The following BCKDHB variants were observed in gnomAD, a reference collection of about 807,000 sequenced individuals.
BCKDHB encodes 2-oxoisovalerate dehydrogenase subunit beta, mitochondrial.
BCKDHB carries 41 observed loss-of-function variants against 48.5 expected under a neutral mutation model. The observed-to-expected ratio is 0.85, with a 90% CI of 0.66 to 1.10. BCKDHB has a LOEUF of 1.10. Ranked by LOEUF, BCKDHB falls within the 50% of genes least tolerant of loss-of-function variation. The probability of loss-of-function intolerance (pLI) is 0.00; values close to 1 mark genes in which losing one functional copy is unlikely to be tolerated. For missense variants in BCKDHB, 496 were observed against 494.2 expected, an observed-to-expected ratio of 1.00 and a Z score of -0.03; for synonymous variants, 201 against 174.8, an observed-to-expected ratio of 1.15 and a Z score of -1.18.
At chr6:80,255,666 C>G (rs141285101) in intron 8 of BCKDHB, among the ~76,000 whole-genome samples, 7 of 152,274 alleles carry the variant, frequency 4.6e-5, no homozygotes, top group Non-Finnish European at 1.0e-4. Flanking sequence ...TGTCTTACAA[C>G]ATACAGGGAT....
At chr6:80,214,124 G>A (rs945283190) in intron 8 of BCKDHB, among the ~76,000 whole-genome samples, 4 of 152,150 alleles carry the variant, frequency 2.6e-5, no homozygotes, top group African/African-American at 9.7e-5. Context: ...GAATGGAGAC[G>A]ATCAGGGAGC....
At chr6:80,261,855 G>A (rs1202147514) in intron 8 of BCKDHB, among the ~76,000 whole-genome samples, 1 of 151,922 alleles carries the variant, frequency 6.6e-6, no homozygotes, top group East Asian at 1.9e-4. Flanking sequence ...TTTTTTTTCA[G>A]TAGGCTCTAT....
chr6:80,123,994 A>G (rs1195505796), intron 1 of BCKDHB, among the ~76,000 whole-genome samples: 3 of 152,040 alleles, frequency 2.0e-5, no homozygotes, highest in Admixed American at 1.3e-4. Context: ...TAGGGTGTCA[A>G]TTTTAGATCT....
At chr6:80,396,687 A>G in the BCKDHB span, among the ~76,000 whole-genome samples, 12 of 152,206 alleles carry the variant, frequency 7.9e-5, no homozygotes, top group African/African-American at 2.9e-4. Flanking sequence ...TGTGATAGTC[A>G]GTGAATTCTC....
downstream of BCKDHB, among the ~76,000 whole-genome samples, chr6:80,346,468 C>T (rs901627605): frequency 1.5e-4 from 23 of 152,074 alleles, no homozygotes; most frequent in Non-Finnish European, 2.9e-4. Flanking sequence ...TAGAATGTTT[C>T]CCCTCATTCT....
intron 3 of BCKDHB, among the ~76,000 whole-genome samples, chr6:80,130,631 T>C (rs1434679297): frequency 1.3e-5 from 2 of 152,174 alleles, no homozygotes; most frequent in African/African-American, 4.8e-5. Context: ...AATAAACAGT[T>C]AAAAATCTTT....
At position 80,290,526 on chromosome 6, in the gene BCKDHB, C is replaced by T. The variant is rs138412785; in HGVS notation, c.1038+17305C>T. On this transcript the variant is annotated intron_variant, in intron 9 of 9. Transcript: ENST00000320393. ...AGCCTCATGGTGGGGTATTAACTTA[C>T]CTAATTAATGGCCATTACTCCTAAG... 2.9e-3 allele frequency among the ~76,000 whole-genome samples: 444 copies of T among 152,276 alleles called. 1 individual carries two copies. Among genetic ancestry groups the T allele is most frequent in the African/African-American group, 0.01 (429 of 41,556 alleles).
At chr6:80,360,594 T>G in the BCKDHB span, among the ~76,000 whole-genome samples, 1 of 152,176 alleles carries the variant, frequency 6.6e-6, no homozygotes, top group Admixed American at 6.6e-5. Context: ...CATTTTTTTA[T>G]TAGAAGAAAT....
chr6:80,283,880 T>C (rs1383510646), intron 9 of BCKDHB, among the ~76,000 whole-genome samples: 2 of 152,118 alleles, frequency 1.3e-5, no homozygotes, highest in African/African-American at 4.8e-5. Flanking sequence ...AGATAATGTA[T>C]CCATAACCTG....
At chr6:80,367,330 A>G in the BCKDHB span, among the ~76,000 whole-genome samples, 1 of 152,170 alleles carries the variant, frequency 6.6e-6, no homozygotes, top group Non-Finnish European at 1.5e-5. Flanking sequence ...TACAATGCCA[A>G]TTTTAAATGC....
At chr6:80,426,325 G>T in the BCKDHB span, among the ~76,000 whole-genome samples, 56 of 151,994 alleles carry the variant, frequency 3.7e-4, no homozygotes, top group African/African-American at 1.3e-3. Flanking sequence ...TTGTTTTTCT[G>T]TTTTCCTTTG....
chr6:80,234,574 C>T (rs1389449105), intron 8 of BCKDHB, among the ~76,000 whole-genome samples: 10 of 152,122 alleles, frequency 6.6e-5, no homozygotes, highest in Non-Finnish European at 1.5e-4. Context: ...GAGGAATGCT[C>T]ATACATTGTT....
intron 3 of BCKDHB, among the ~76,000 whole-genome samples, chr6:80,145,536 A>T (rs761133612): frequency 6.6e-6 from 1 of 152,188 alleles, no homozygotes; most frequent in Non-Finnish European, 1.5e-5. Context: ...AGCTGCTCTT[A>T]TAGATATTTT....
chr6:80,384,168 G>T, the BCKDHB span, among the ~76,000 whole-genome samples: 16 of 152,138 alleles, frequency 1.1e-4, no homozygotes, highest in African/African-American at 3.9e-4. Flanking sequence ...TCAGTGGGCT[G>T]GGAAAGGCAG....
At chr6:80,304,414 G>A (rs1400481159) in intron 9 of BCKDHB, among the ~76,000 whole-genome samples, 1 of 152,086 alleles carries the variant, frequency 6.6e-6, no homozygotes, top group Non-Finnish European at 1.5e-5. Context: ...ACTGTTAAAG[G>A]TGACTCAAGA....
chr6:80,269,827 A>G (rs1306004673), intron 8 of BCKDHB, among the ~76,000 whole-genome samples: 4 of 152,132 alleles, frequency 2.6e-5, no homozygotes, highest in African/African-American at 4.8e-5. Context: ...AAAAAGGTAA[A>G]TGGCCATCTC....
At chr6:80,107,548 CATATATATGCAT>C (rs995778573) in intron 1 of BCKDHB, among the ~76,000 whole-genome samples, 3 of 82,086 alleles carry the variant, frequency 3.7e-5, no homozygotes, top group African/African-American at 5.7e-5. Flanking sequence ...TATATGCACA[CATATATATGCAT>C]ATATATATGC....
intron 1 of BCKDHB, among the ~76,000 whole-genome samples, chr6:80,110,240 G>T (rs1769343207): frequency 6.6e-6 from 1 of 152,128 alleles, no homozygotes; most frequent in African/African-American, 2.4e-5. Flanking sequence ...ATGTGAGTTT[G>T]TTTATTCAGT....
At chr6:80,339,021 G>A (rs987694351) in intron 9 of BCKDHB, among the ~76,000 whole-genome samples, 5 of 151,744 alleles carry the variant, frequency 3.3e-5, no homozygotes, top group African/African-American at 1.2e-4. Flanking sequence ...AAAAATTGTT[G>A]AGGATGAGCG....
Sources: gnomAD v4.1 joint callset for allele counts (sites outside exome capture counted in the v4.1 genomes callset) on GRCh38, gnomAD v4.1.1 for gene constraint, MANE v1.5 for transcripts, NCBI Gene and HGNC (gene_info 2026-07-23, HGNC 2026-07-21) for gene names.